Variants in DLG2 observed in about 807,000 individuals in gnomAD.
DLG2 encodes the protein disks large homolog 2.
A neutral mutation model predicts 132.5 loss-of-function variants in DLG2; 45 were observed. The ratio of observed to expected loss-of-function variants is 0.34; its 90% CI spans 0.27 to 0.44. The LOEUF (loss-of-function observed/expected upper bound fraction) is 0.44. Among genes scored for constraint, DLG2 ranks in the 20% least tolerant of loss-of-function variants. DLG2 has a pLI of 1.00. For synonymous variants in DLG2, 424 were observed against 419.6 expected (o/e 1.01, Z -0.13); for missense variants, 1,045 against 1,196.9 (o/e 0.87, Z 1.87).
intron 6 of DLG2, among the ~76,000 whole-genome samples, chr11:85,089,130 TTTTCAA>T (rs2068377956): frequency 6.6e-6 from 1 of 152,198 alleles, no homozygotes; most frequent in South Asian, 2.1e-4. Context: ...CTAATTTTTT[TTTTCAA>T]TTTCAACTTT....
chr11:85,008,487 A>G (rs1592609170), intron 6 of DLG2, among the ~76,000 whole-genome samples: 1 of 152,088 alleles, frequency 6.6e-6, no homozygotes, highest in South Asian at 2.1e-4. Flanking sequence ...GTGAAGGGGG[A>G]AAAAGAATAT....
chr11:83,870,587 C>T (rs957837375), intron 16 of DLG2, among the ~76,000 whole-genome samples: 1 of 152,116 alleles, frequency 6.6e-6, no homozygotes. Context: ...AACTGTGCCC[C>T]AAACTAGCAC....
rs1592100025 is a variant in DLG2, at chr11:84,975,942, T to C, written c.357+135719A>G. ...ACTTGGAATCTCCATTCTCTCCACC[T>C]AAAATGTCATCCCTTTCATTCCTCA... On this transcript the variant is annotated intron_variant, in intron 6 of 27. Transcript: ENST00000376104. Among the ~76,000 whole-genome samples the C allele has an allele frequency of 2.0e-5, 3 of 152,168 alleles. No homozygotes were observed. The South Asian group carries it at 6.2e-4, about 31-fold the overall frequency.
intron 6 of DLG2, among the ~76,000 whole-genome samples, chr11:84,626,183 T>A (rs2099622200): frequency 6.6e-6 from 1 of 152,182 alleles, no homozygotes; most frequent in Non-Finnish European, 1.5e-5. Context: ...TACTAGGAGA[T>A]CTTAAAAGAA....
chr11:85,175,137 G>A (rs75435534), intron 4 of DLG2, among the ~76,000 whole-genome samples: 15,208 of 151,998 alleles, frequency 0.1, 1,069 homozygotes, highest in African/African-American at 0.2. Context: ...TCATCCTAAT[G>A]CCAAAACCTG....
intron 6 of DLG2, among the ~76,000 whole-genome samples, chr11:85,108,440 T>C (rs937472628): frequency 6.6e-6 from 1 of 152,036 alleles, no homozygotes; most frequent in Non-Finnish European, 1.5e-5. Flanking sequence ...AAGGTGAAGA[T>C]TTTCACTATT....
chr11:84,086,437 C>T (rs537606148), intron 10 of DLG2, among the ~76,000 whole-genome samples: 1 of 151,488 alleles, frequency 6.6e-6, no homozygotes, highest in East Asian at 1.9e-4. Flanking sequence ...TGTCCAATTG[C>T]CCTATGTAAT....
intron 3 of DLG2, among the ~76,000 whole-genome samples, chr11:85,591,723 C>G (rs1253459614): frequency 6.6e-6 from 1 of 152,160 alleles, no homozygotes; most frequent in Non-Finnish European, 1.5e-5. Flanking sequence ...GCCTGGGTGA[C>G]AGAGCTAGAC....
intron 6 of DLG2, among the ~76,000 whole-genome samples, chr11:84,976,901 A>G (rs934951952): frequency 1.3e-5 from 2 of 152,158 alleles, no homozygotes; most frequent in Non-Finnish European, 1.5e-5. Flanking sequence ...TTTGGAACAC[A>G]TATCTCCTGT....
At chr11:84,012,363 G>A (rs2094933995) in intron 11 of DLG2, among the ~76,000 whole-genome samples, 1 of 152,156 alleles carries the variant, frequency 6.6e-6, no homozygotes, top group South Asian at 2.1e-4. Context: ...GAAGCAGGGA[G>A]TCAAGCTACT....
chr11:85,615,283 G>A (rs984560927), intron 2 of DLG2, among the ~76,000 whole-genome samples: 43 of 152,150 alleles, frequency 2.8e-4, no homozygotes, highest in African/African-American at 1.0e-3. Context: ...TTGGGAGGCC[G>A]AGGCAGACGG....
chr11:84,569,938 A>G (rs1256053742), intron 6 of DLG2, among the ~76,000 whole-genome samples: 1 of 152,206 alleles, frequency 6.6e-6, no homozygotes, highest in Non-Finnish European at 1.5e-5. Flanking sequence ...CCTGACAGTT[A>G]GTAGCAATGC....
At chr11:83,578,904 T>C (rs2096924853) in intron 19 of DLG2, among the ~76,000 whole-genome samples, 1 of 152,236 alleles carries the variant, frequency 6.6e-6, no homozygotes, top group Admixed American at 6.5e-5. Flanking sequence ...ATACAAAGAA[T>C]GTTCTCAGAC....
chr11:85,413,485 A>G (rs985762302), intron 3 of DLG2, among the ~76,000 whole-genome samples: 1 of 152,046 alleles, frequency 6.6e-6, no homozygotes, highest in Admixed American at 6.6e-5. Flanking sequence ...GCCTAAGCCA[A>G]TGTCTAGAAG....
chr11:85,055,656 G>A (rs1293072862), intron 6 of DLG2, among the ~76,000 whole-genome samples: 1 of 152,140 alleles, frequency 6.6e-6, no homozygotes, highest in Non-Finnish European at 1.5e-5. Context: ...AACACTATGT[G>A]CTGTTTATTT....
At chr11:83,618,306 C>T (rs982258069) in intron 19 of DLG2, among the ~76,000 whole-genome samples, 1 of 151,604 alleles carries the variant, frequency 6.6e-6, no homozygotes, top group African/African-American at 2.4e-5. Flanking sequence ...ATTTATTTTG[C>T]TAATATTTGA....
chr11:83,551,917 T>G (rs2096400545), intron 19 of DLG2, among the ~76,000 whole-genome samples: 1 of 152,212 alleles, frequency 6.6e-6, no homozygotes, highest in Non-Finnish European at 1.5e-5. Context: ...TTCCTACAGT[T>G]GTACAGCTTG....
intron 14 of DLG2, among the ~76,000 whole-genome samples, 175 bp downstream of exon 14, chr11:83,962,710 C>G (rs561214188): frequency 6.6e-6 from 1 of 152,146 alleles, no homozygotes; most frequent in East Asian, 1.9e-4. Flanking sequence ...TGTGATTTTG[C>G]TGCCTATCAG....
At chr11:85,096,625 G>T (rs958544202) in intron 6 of DLG2, among the ~76,000 whole-genome samples, 2 of 152,228 alleles carry the variant, frequency 1.3e-5, no homozygotes, top group East Asian at 3.9e-4. Flanking sequence ...CCACCAGAAG[G>T]AATAAACTCT....
Sources: gnomAD v4.1 joint callset for allele counts (sites outside exome capture counted in the v4.1 genomes callset) on GRCh38, gnomAD v4.1.1 for gene constraint, MANE v1.5 for transcripts, NCBI Gene and HGNC (gene_info 2026-07-23, HGNC 2026-07-21) for gene names.